The following MARCHF3 variants were observed in gnomAD, a reference collection of about 807,000 sequenced individuals.
MARCHF3 encodes the protein E3 ubiquitin-protein ligase MARCHF3.
In MARCHF3, 13 loss-of-function variants were observed where a neutral mutation model predicts 24.2. The ratio of observed to expected loss-of-function variants is 0.54; its 90% CI spans 0.35 to 0.85. The LOEUF (loss-of-function observed/expected upper bound fraction) is 0.85. Ranked by LOEUF, MARCHF3 falls within the 40% of genes least tolerant of loss-of-function variation. MARCHF3 has a pLI of 0.01. For missense variants in MARCHF3, 276 were observed against 325.0 expected, an observed-to-expected ratio of 0.85 and a Z score of 1.16; for synonymous variants, 144 against 137.3, an observed-to-expected ratio of 1.05 and a Z score of -0.34.
chr5:126,896,425 A>C (rs1753917993), intron 3 of MARCHF3, among the ~76,000 whole-genome samples: 1 of 152,118 alleles, frequency 6.6e-6, no homozygotes, highest in Non-Finnish European at 1.5e-5. Context: ...GCAGGCAGGA[A>C]ACCAGCTGGA....
intron 3 of MARCHF3, among the ~76,000 whole-genome samples, chr5:126,913,976 C>CTTTTTTT (rs1169856446): frequency 6.5e-5 from 7 of 107,904 alleles, no homozygotes; most frequent in Non-Finnish European, 1.1e-4. Flanking sequence ...CAATATCCAA[C>CTTTTTTT]TTTTTTTTTT....
intron 1 of MARCHF3, among the ~76,000 whole-genome samples, chr5:127,029,480 C>T (rs1208766636): frequency 6.6e-6 from 1 of 152,166 alleles, no homozygotes; most frequent in Non-Finnish European, 1.5e-5. Flanking sequence ...GAAAAACAAG[C>T]TGCTTTTACC....
intron 1 of MARCHF3, among the ~76,000 whole-genome samples, chr5:127,012,557 A>G (rs556223243): frequency 1.4e-4 from 21 of 152,310 alleles, no homozygotes; most frequent in African/African-American, 5.1e-4. Flanking sequence ...ATAATGATAA[A>G]AAGAGTAGAC....
intron 1 of MARCHF3, among the ~76,000 whole-genome samples, chr5:126,922,084 T>C (rs1323792457): frequency 6.6e-6 from 1 of 152,222 alleles, no homozygotes; most frequent in African/African-American, 2.4e-5. Flanking sequence ...GTGATTTCCA[T>C]GGGAACATGG....
At chr5:126,945,859 G>C (rs892216668) in intron 1 of MARCHF3, among the ~76,000 whole-genome samples, 8 of 152,178 alleles carry the variant, frequency 5.3e-5, no homozygotes, top group African/African-American at 1.9e-4. Flanking sequence ...TAACTGAAGT[G>C]CTTAGCACAA....
At chr5:127,020,286 C>T (rs1752752834) in intron 1 of MARCHF3, among the ~76,000 whole-genome samples, 2 of 152,128 alleles carry the variant, frequency 1.3e-5, no homozygotes, top group Admixed American at 1.3e-4. Flanking sequence ...AGGCACAGGC[C>T]AGATGTTAAG....
chr5:126,983,535 CG>C (rs1751459317), intron 1 of MARCHF3, among the ~76,000 whole-genome samples: 1 of 152,170 alleles, frequency 6.6e-6, no homozygotes, highest in Non-Finnish European at 1.5e-5. Context: ...CAAAGGCTCT[CG>C]GAACTGTCAG....
At chr5:126,951,814 A>G (rs1443476129) in intron 1 of MARCHF3, among the ~76,000 whole-genome samples, 3 of 151,530 alleles carry the variant, frequency 2.0e-5, no homozygotes, top group African/African-American at 7.3e-5. Flanking sequence ...TTCTTTGGAC[A>G]TTTTTCTCCA....
chr5:127,011,908 G>A (rs1752486569), intron 1 of MARCHF3, among the ~76,000 whole-genome samples: 1 of 152,164 alleles, frequency 6.6e-6, no homozygotes, highest in Non-Finnish European at 1.5e-5. Flanking sequence ...TTGCCTAACT[G>A]GGAGAGTGAG....
At chr5:126,928,574 T>C (rs534612722) in intron 1 of MARCHF3, among the ~76,000 whole-genome samples, 16 of 152,330 alleles carry the variant, frequency 1.1e-4, no homozygotes, top group South Asian at 4.1e-4. Flanking sequence ...CCCACTATTA[T>C]CTCTGAGAGA....
chr5:126,990,648 T>G (rs184110228), intron 1 of MARCHF3, among the ~76,000 whole-genome samples: 3 of 152,236 alleles, frequency 2.0e-5, no homozygotes, highest in East Asian at 3.9e-4. Flanking sequence ...AATCTATCCA[T>G]CTGACAAAGG....
At chr5:126,980,800 A>G (rs1751368076) in intron 1 of MARCHF3, among the ~76,000 whole-genome samples, 1 of 152,248 alleles carries the variant, frequency 6.6e-6, no homozygotes, top group Admixed American at 6.5e-5. Flanking sequence ...CCAGTGTGGC[A>G]TACTATAGGC....
chr5:126,931,939 C>T (rs1220109526), intron 1 of MARCHF3, among the ~76,000 whole-genome samples: 1 of 152,052 alleles, frequency 6.6e-6, no homozygotes, highest in Non-Finnish European at 1.5e-5. Flanking sequence ...GGTTTGAATC[C>T]CTTCGATTTT....
intron 1 of MARCHF3, among the ~76,000 whole-genome samples, chr5:126,969,940 G>A: frequency 6.6e-6 from 1 of 152,152 alleles, no homozygotes; most frequent in Non-Finnish European, 1.5e-5. Flanking sequence ...ATGAAGCTAG[G>A]TGACTCTCCT....
intron 1 of MARCHF3, among the ~76,000 whole-genome samples, chr5:126,951,751 T>G (rs1288383992): frequency 6.6e-6 from 1 of 152,234 alleles, no homozygotes; most frequent in Non-Finnish European, 1.5e-5. Flanking sequence ...GTAGATTAGA[T>G]GTACACAACA....
chr5:126,870,918 A>G, intron 4 of MARCHF3, 127 bp from the exon 5 acceptor site: 1 of 1,313,826 alleles, frequency 7.6e-7, no homozygotes, highest in Non-Finnish European at 1.0e-6. Flanking sequence ...CAGGGCAAGA[A>G]CCCTGGGAAA....
At chr5:126,910,539 G>A (rs959681981) in intron 3 of MARCHF3, among the ~76,000 whole-genome samples, 14 of 152,208 alleles carry the variant, frequency 9.2e-5, no homozygotes, top group Non-Finnish European at 2.1e-4. Context: ...CTTGGATTGT[G>A]AAGATTTCAT....
At chr5:126,957,688 A>G (rs189441840) in intron 1 of MARCHF3, among the ~76,000 whole-genome samples, 4 of 152,236 alleles carry the variant, frequency 2.6e-5, no homozygotes, top group Admixed American at 2.6e-4. Flanking sequence ...AAAACATCAC[A>G]TTTAAAAATT....
chr5:126,944,462 G>T (rs1436090703), intron 1 of MARCHF3, among the ~76,000 whole-genome samples: 1 of 152,184 alleles, frequency 6.6e-6, no homozygotes, highest in African/African-American at 2.4e-5. Context: ...ATCCAGGCAT[G>T]GTTGTACATG....
Sources: allele counts gnomAD v4.1 joint callset (sites outside exome capture counted in the v4.1 genomes callset), GRCh38; gene constraint gnomAD v4.1.1; transcripts MANE v1.5; gene names NCBI Gene and HGNC (gene_info 2026-07-23, HGNC 2026-07-21).